PLD5: variants seen among roughly 807,000 people sequenced by gnomAD.
The protein encoded by PLD5 is phospholipase D family member 5.
Under a neutral mutation model 61.1 loss-of-function variants are expected in PLD5, and 36 were observed. The observed-to-expected ratio is 0.59, with a 90% CI of 0.45 to 0.78. PLD5 has a LOEUF of 0.78. Among genes scored for constraint, PLD5 ranks in the 30% least tolerant of loss-of-function variants. PLD5 has a pLI of 0.00. For synonymous variants in PLD5, 243 were observed against 242.8 expected (o/e 1.00, Z -0.01); for missense variants, 515 against 644.4 (o/e 0.80, Z 2.17).
chr1:242,240,073 A>C (rs759983282), intron 4 of PLD5, among the ~76,000 whole-genome samples: 2 of 152,190 alleles, frequency 1.3e-5, no homozygotes, highest in Non-Finnish European at 2.9e-5. Context: ...TTAACTGTCA[A>C]CCTCTTCAAG....
intron 3 of PLD5, among the ~76,000 whole-genome samples, chr1:242,274,987 C>A (rs1324688597): frequency 2.6e-5 from 4 of 152,048 alleles, no homozygotes; most frequent in African/African-American, 9.7e-5. Flanking sequence ...GAAATCTATC[C>A]CAGAGAAACA....
intron 5 of PLD5, among the ~76,000 whole-genome samples, chr1:242,134,088 C>A (rs1402341496): frequency 6.6e-6 from 1 of 152,140 alleles, no homozygotes; most frequent in Non-Finnish European, 1.5e-5. Context: ...AGAATCTATT[C>A]TTTTGACAAA....
intron 5 of PLD5, among the ~76,000 whole-genome samples, chr1:242,165,468 C>T (rs1364763590): frequency 6.9e-6 from 1 of 145,094 alleles, no homozygotes; most frequent in Non-Finnish European, 1.5e-5. Context: ...AAAAAAAAAA[C>T]CTGCCAGCAA....
At chr1:242,126,689 C>T (rs956990885) in intron 5 of PLD5, among the ~76,000 whole-genome samples, 9 of 152,156 alleles carry the variant, frequency 5.9e-5, no homozygotes, top group Non-Finnish European at 1.0e-4. Context: ...AACTCTAAGA[C>T]CTGAAACCAC....
chr1:242,346,519 A>G (rs2149218198), intron 2 of PLD5, among the ~76,000 whole-genome samples: 1 of 152,338 alleles, frequency 6.6e-6, no homozygotes, highest in East Asian at 1.9e-4. Context: ...TTTGACAAGT[A>G]ACAGCATTAG....
chr1:242,233,665 G>C (rs1671454440), intron 4 of PLD5, among the ~76,000 whole-genome samples: 1 of 152,102 alleles, frequency 6.6e-6, no homozygotes, highest in East Asian at 1.9e-4. Context: ...TCAGAGGTTT[G>C]GCTTTGTTCA....
At chr1:242,474,279 G>A (rs1002552937) in intron 1 of PLD5, among the ~76,000 whole-genome samples, 3 of 152,208 alleles carry the variant, frequency 2.0e-5, no homozygotes, top group Admixed American at 6.5e-5. Flanking sequence ...GACCCATAAC[G>A]TCAGCATGTG....
rs1663301260 is a variant in PLD5 at position 242,394,666 on chromosome 1, A to ATGTGTATATATGTGAACATATATG, written c.190-46448_190-46425dup. On this transcript the variant is annotated intron_variant, in intron 1 of 9. Coordinates refer to ENST00000536534, the MANE Select transcript of PLD5 (RefSeq NM_001372062.1). ...TATGTGTATATATGTGAACATATAT[A>ATGTGTATATATGTGAACATATATG]TGTGTATATATGTGAACATATATGT... Among the ~76,000 whole-genome samples, 3 of 41,826 alleles carry ATGTGTATATATGTGAACATATATG rather than the reference A, an allele frequency of 7.2e-5. 1 individual carries two copies. The highest frequency in any genetic ancestry group is 2.1e-3 in the South Asian group (2 of 968). The allele number at this position is 41,826 out of a possible 152,430, so 27.4% of individuals were successfully genotyped here.
intron 1 of PLD5, among the ~76,000 whole-genome samples, chr1:242,409,369 C>G (rs912207304): frequency 6.6e-6 from 1 of 152,138 alleles, no homozygotes; most frequent in Admixed American, 6.5e-5. Context: ...CAAACTCCAA[C>G]AGTAAGCATG....
intron 2 of PLD5, among the ~76,000 whole-genome samples, chr1:242,297,342 TCAAA>T (rs1279635611): frequency 4.3e-5 from 1 of 23,358 alleles, no homozygotes. Flanking sequence ...AGACTCCTTC[TCAAA>T]AAAAAAAAAA....
intron 1 of PLD5, among the ~76,000 whole-genome samples, chr1:242,492,285 G>A (rs188335068): frequency 7.9e-5 from 12 of 152,058 alleles, no homozygotes; most frequent in South Asian, 4.2e-4. Flanking sequence ...GTCGAGGCAC[G>A]TGGATCACCT....
At chr1:242,414,758 A>G (rs914015722) in intron 1 of PLD5, among the ~76,000 whole-genome samples, 4 of 152,252 alleles carry the variant, frequency 2.6e-5, no homozygotes, top group African/African-American at 4.8e-5. Flanking sequence ...GAAGAAATAA[A>G]AAAACATAGA....
At chr1:242,123,510 C>T (rs114626116) in intron 6 of PLD5, among the ~76,000 whole-genome samples, 1 of 152,172 alleles carries the variant, frequency 6.6e-6, no homozygotes, top group African/African-American at 2.4e-5. Flanking sequence ...ACACTGGGAC[C>T]ACTCACACAC....
intron 1 of PLD5, among the ~76,000 whole-genome samples, chr1:242,367,770 C>G (rs1661423820): frequency 6.6e-6 from 1 of 152,116 alleles, no homozygotes; most frequent in Non-Finnish European, 1.5e-5. Context: ...ATAAAGCCAA[C>G]AGAGGACACA....
chr1:242,090,333 G>A lies in PLD5; in HGVS notation c.1355-223C>T, dbSNP rs77781023. Among the ~76,000 whole-genome samples the A allele has an allele frequency of 3.8e-3, 578 of 152,126 alleles. 6 individuals are homozygous for A. The highest frequency in any genetic ancestry group is 0.013 in the African/African-American group (543 of 41,498). On this transcript the variant is annotated intron_variant, in intron 9 of 9. Coordinates refer to ENST00000536534, the MANE Select transcript of PLD5 (RefSeq NM_001372062.1). ...TTGGCATTTTCTTCAGCTTTGCTCC[G>A]GTGGAAACTCAAAACAAGGAATCTG...
intron 1 of PLD5, among the ~76,000 whole-genome samples, chr1:242,460,040 T>C (rs1667068873): frequency 1.3e-5 from 2 of 152,196 alleles, no homozygotes; most frequent in Non-Finnish European, 2.9e-5. Context: ...TTACTGCTGA[T>C]TAATATCTTG....
intron 3 of PLD5, among the ~76,000 whole-genome samples, chr1:242,277,330 C>T (rs1490145969): frequency 1.3e-5 from 2 of 152,072 alleles, no homozygotes; most frequent in Non-Finnish European, 2.9e-5. Context: ...TCCTTCAAAA[C>T]CTCACTGCAG....
Position 242,163,156 on chromosome 1 carries a change from C to CTTTTTTTTT in PLD5, c.736-38492_736-38491insAAAAAAAAA, listed in dbSNP as rs1271067901. ...TATTTTCTTTTCTTTTCTTTCTTTTCTTGAGACGACGGAGTCTCACTCTGT... is the reference window on the plus strand; with the variant it reads ...TATTTTCTTTTCTTTTCTTTCTTTTCTTTTTTTTTTTGAGACGACGGAGTCTCACTCTGT... On this transcript the variant is annotated intron_variant, in intron 5 of 9. Coordinates refer to ENST00000536534, the MANE Select transcript of PLD5 (RefSeq NM_001372062.1). Among the ~76,000 whole-genome samples, 76 of 147,754 alleles carry CTTTTTTTTT rather than the reference C, an allele frequency of 5.1e-4. 2 individuals carry two copies. The South Asian group carries it at 0.015, about 30-fold the overall frequency.
intron 1 of PLD5, among the ~76,000 whole-genome samples, chr1:242,433,389 C>A (rs1323389622): frequency 6.6e-6 from 1 of 152,162 alleles, no homozygotes; most frequent in African/African-American, 2.4e-5. Flanking sequence ...ATCCTGGGAA[C>A]TCATTTAATC....
Sources: allele counts gnomAD v4.1 joint callset (sites outside exome capture counted in the v4.1 genomes callset), GRCh38; gene constraint gnomAD v4.1.1; transcripts MANE v1.5; gene names NCBI Gene and HGNC (gene_info 2026-07-23, HGNC 2026-07-21).